P2RY10: variants seen among roughly 807,000 people sequenced by gnomAD.
The protein encoded by P2RY10 is P2Y receptor family member 10.
In P2RY10, 4 loss-of-function variants were observed where a neutral mutation model predicts 12.1. That is an observed-to-expected ratio of 0.33 (90% CI 0.16 to 0.76). The LOEUF (loss-of-function observed/expected upper bound fraction) is 0.76, where lower values mean the gene tolerates loss of function less well. P2RY10 is among the 30% of genes least tolerant of loss of function. The pLI is 0.61. For synonymous variants in P2RY10, 112 were observed against 94.1 expected (o/e 1.19, Z -1.10); for missense variants, 233 against 264.6 (o/e 0.88, Z 0.83).
chrX:78,946,374 G>A (rs1921833973), intron 1 of P2RY10, among the ~76,000 whole-genome samples: 2 of 111,271 alleles, frequency 1.8e-5, no homozygotes, highest in South Asian at 3.8e-4. Context: ...CTGAATACTA[G>A]CACCTCTCTC....
chrX:78,962,686 G>A lies in P2RY10; in HGVS notation c.*1146G>A, dbSNP rs1922693143. On this transcript the variant is annotated 3_prime_UTR_variant, in exon 4 of 4. Coordinates refer to ENST00000171757, the MANE Select transcript of P2RY10 (RefSeq NM_014499.4). ...CTGTTCCAAGGTAGAGAATCCTGAT[G>A]ATAAGGAGTATAGGAAACTCAAATA... Among the ~76,000 whole-genome samples, 1 of 110,436 alleles carries A rather than the reference G, an allele frequency of 9.1e-6. No individual in the cohort carries two copies. Among genetic ancestry groups the A allele is most frequent in the African/African-American group, 3.3e-5 (1 of 30,341 alleles).
In P2RY10 at chrX:78,954,080, C is replaced by T. The variant is rs139798607; in HGVS notation, c.-14+1745C>T. Among the ~76,000 whole-genome samples, 360 of 110,636 alleles carry T rather than the reference C, an allele frequency of 3.3e-3. 1 individual carries two copies. Among genetic ancestry groups the T allele is most frequent in the African/African-American group, 0.011 (333 of 30,335 alleles). Reference sequence around the variant, plus strand: ...TAGAGATGAGGTTTCACCATGTTACCGAGGCTGGTCTTAAACTCTTGAGCT... The same window carrying T: ...TAGAGATGAGGTTTCACCATGTTACTGAGGCTGGTCTTAAACTCTTGAGCT... On this transcript the variant is annotated intron_variant, in intron 3 of 3. Coordinates refer to ENST00000171757, the MANE Select transcript of P2RY10 (RefSeq NM_014499.4).
In P2RY10 at chrX:78,960,994, C is replaced by T. The variant is rs1340508456; in HGVS notation, c.474C>T (p.Ile158=). 1.7e-6 allele frequency: 2 copies of T among 1,211,346 alleles called. No individual in the cohort carries two copies. The highest frequency in any genetic ancestry group is 3.0e-5 in the East Asian group (1 of 33,839). ...TGGGCATCAGTGCTGCCATCTGGAT[C>T]GTTGTGGGGACTGCCTGTTTGCCAT... ...YDVGISAAIW[I]VVGTACLPFP... Residue 158 remains isoleucine (I), a synonymous_variant, in exon 4 of 4, where the codon ATC becomes ATT. Coordinates refer to ENST00000171757, the MANE Select transcript of P2RY10 (RefSeq NM_014499.4).
chrX:78,954,115 C>A (rs1264318472), intron 3 of P2RY10, among the ~76,000 whole-genome samples: 1 of 111,590 alleles, frequency 9.0e-6, no homozygotes, highest in Non-Finnish European at 1.9e-5. Context: ...TCAAGCGATC[C>A]ACCCACCTGG....
intron 3 of P2RY10, among the ~76,000 whole-genome samples, chrX:78,956,277 G>A (rs1335520666): frequency 9.0e-6 from 1 of 111,277 alleles, no homozygotes; most frequent in African/African-American, 3.3e-5. Context: ...TTGCTTTTCT[G>A]AGGTGAAAAG....
intron 3 of P2RY10, among the ~76,000 whole-genome samples, chrX:78,960,057 A>T (rs764504815): frequency 9.0e-6 from 1 of 111,640 alleles, no homozygotes; most frequent in East Asian, 2.8e-4. Flanking sequence ...GGACCCAAAG[A>T]GCAAAATGGC....
At chrX:78,953,230 G>A (rs1415406230) in intron 3 of P2RY10, among the ~76,000 whole-genome samples, 1 of 111,800 alleles carries the variant, frequency 8.9e-6, no homozygotes, top group Non-Finnish European at 1.9e-5. Flanking sequence ...ATTTAATCTG[G>A]GTTAGACACA....
intron 3 of P2RY10, among the ~76,000 whole-genome samples, chrX:78,956,466 T>C (rs1473652981): frequency 8.9e-6 from 1 of 111,766 alleles, no homozygotes; most frequent in Non-Finnish European, 1.9e-5. Context: ...ACTTTTTATA[T>C]GTTCTTTGAA....
At chrX:78,958,915 C>T (rs1015605983) in intron 3 of P2RY10, among the ~76,000 whole-genome samples, 5 of 112,075 alleles carry the variant, frequency 4.5e-5, no homozygotes, top group African/African-American at 1.6e-4. Flanking sequence ...TCACTTGAGG[C>T]TCTGTTTTTG....
chrX:78,948,514 A>G (rs959795846), intron 2 of P2RY10, among the ~76,000 whole-genome samples: 1 of 110,868 alleles, frequency 9.0e-6, no homozygotes, highest in Non-Finnish European at 1.9e-5. Context: ...TTTCTGTTGC[A>G]TGGGTAAATT....
At chrX:78,953,791 T>C (rs1253227763) in intron 3 of P2RY10, among the ~76,000 whole-genome samples, 2 of 112,305 alleles carry the variant, frequency 1.8e-5, no homozygotes, top group East Asian at 5.5e-4. Flanking sequence ...TTGGATTCCC[T>C]GTGTCCCATT....
intron 2 of P2RY10, among the ~76,000 whole-genome samples, chrX:78,950,035 T>C (rs997415146): frequency 1.8e-5 from 2 of 112,093 alleles, no homozygotes; most frequent in African/African-American, 3.2e-5. Context: ...CATCAGCAAC[T>C]TGTTTTCTCT....
rs1393156930 is a variant in P2RY10, at chrX:78,963,224, G to A, written c.*1684G>A. ...TTCTGAGAATATTCATTTGAACAGA[G>A]TGACTATGGAAGAATGAATAGCAAA... On this transcript the variant is annotated 3_prime_UTR_variant, in exon 4 of 4. Coordinates refer to ENST00000171757, the MANE Select transcript of P2RY10 (RefSeq NM_014499.4). Among the ~76,000 whole-genome samples, 3 of 112,108 alleles carry A rather than the reference G, an allele frequency of 2.7e-5. No individual in the cohort carries two copies. Among genetic ancestry groups the A allele is most frequent in the Non-Finnish European group, 5.6e-5 (3 of 53,233 alleles).
rs1023211223 is a variant in P2RY10, at chrX:78,963,285, GAAAAGA to G, written c.*1751_*1756del. Among the ~76,000 whole-genome samples the G allele has an allele frequency of 1.8e-5, 2 of 112,344 alleles. No individual in the cohort carries two copies. The highest frequency in any genetic ancestry group is 9.4e-5 in the Admixed American group (1 of 10,613). The stretch of plus-strand genomic sequence containing the variant: ...TTTTTTTAAAAAGATCTCTCACTGG[GAAAAGA>G]AAAAGTTATGCATTTATAAAGTAAT... On this transcript the variant is annotated 3_prime_UTR_variant, in exon 4 of 4. Transcript: ENST00000171757.
chrX:78,952,222 A>G lies in P2RY10; in HGVS notation c.-127A>G. ...AAACTCTATGCTGGTCATTCCCTTC[A>G]GGATTTGGCACTCACCAACATACCC... is the stretch of plus-strand genomic sequence containing the variant. On this transcript the variant is annotated 5_prime_UTR_variant, in exon 3 of 4. Coordinates refer to ENST00000171757, the MANE Select transcript of P2RY10 (RefSeq NM_014499.4). 1 of 749,517 alleles carries G rather than the reference A, an allele frequency of 1.3e-6. No homozygotes were observed. The allele number at this position is 749,517 out of a possible 1,213,427, so 61.8% of individuals were successfully genotyped here. A position where few individuals can be genotyped will look rare whatever the true frequency, so the allele number is the denominator to read the frequency against.
chrX:78,960,634 A>G lies in P2RY10; in HGVS notation c.114A>G (p.Ala38=). 5.0e-6 allele frequency: 6 copies of G among 1,210,751 alleles called. No homozygotes were observed. The highest frequency in any genetic ancestry group is 6.7e-6 in the Non-Finnish European group (6 of 894,733). ...TGAAATTTCAATACTCCCTCTATGCAACCACCTATATCCTCATATTCATTC... is the reference window on the plus strand; with the variant it reads ...TGAAATTTCAATACTCCCTCTATGCGACCACCTATATCCTCATATTCATTC... The part of the protein sequence containing the change: ...TNVKFQYSLY[A]TTYILIFIPG... Residue 38 remains alanine (A), a synonymous_variant, in exon 4 of 4, where the codon GCA becomes GCG. Coordinates refer to ENST00000171757, the MANE Select transcript of P2RY10 (RefSeq NM_014499.4).
intron 3 of P2RY10, among the ~76,000 whole-genome samples, chrX:78,957,877 C>T (rs190014850): frequency 1.5e-4 from 17 of 112,274 alleles, no homozygotes; most frequent in Non-Finnish European, 5.6e-5. Context: ...ACAGAACATG[C>T]CCATTTTGTA....
intron 3 of P2RY10, among the ~76,000 whole-genome samples, chrX:78,952,843 C>G (rs1430377705): frequency 8.9e-6 from 1 of 111,815 alleles, no homozygotes; most frequent in Non-Finnish European, 1.9e-5. Context: ...TCTCAATTTA[C>G]TCTTTGAGCT....
Position 78,961,438 on chromosome X carries a change from C to T in P2RY10, c.918C>T (p.Tyr306=), listed in dbSNP as rs757811875. 8.3e-7 allele frequency: 1 copy of T among 1,209,023 alleles called. No homozygotes were observed. The highest frequency in any genetic ancestry group is 2.2e-5 in the Admixed American group (1 of 45,759). Residue 306 remains tyrosine (Y), a synonymous_variant, in exon 4 of 4, where the codon TAC becomes TAT. Transcript: ENST00000171757. The stretch of plus-strand genomic sequence containing the variant: ...GCCTTTTGGATCCAATTCTTTATTA[C>T]TTTATGGCTTCAGAGTTTCGTGACC... ...LCCLLDPILY[Y]FMASEFRDQL... is the part of the protein sequence containing the mutation.
Sources: allele counts gnomAD v4.1 joint callset (sites outside exome capture counted in the v4.1 genomes callset), GRCh38; gene constraint gnomAD v4.1.1; transcripts MANE v1.5; gene names NCBI Gene and HGNC (gene_info 2026-07-23, HGNC 2026-07-21).